CDON: variants seen among roughly 807,000 people sequenced by gnomAD.
The protein encoded by CDON is cell adhesion molecule-related/down-regulated by oncogenes.
Under a neutral mutation model 120.9 loss-of-function variants are expected in CDON, and 73 were observed. The observed-to-expected ratio is 0.60, with a 90% CI of 0.50 to 0.73. The LOEUF (loss-of-function observed/expected upper bound fraction) is 0.73. Among genes scored for constraint, CDON ranks in the 30% least tolerant of loss-of-function variants. The probability of loss-of-function intolerance (pLI) is 0.00; values close to 1 mark genes in which losing one functional copy is unlikely to be tolerated. For missense variants in CDON, 1,470 were observed against 1,587.3 expected (o/e 0.93, Z 1.26); for synonymous variants, 566 against 573.5 (o/e 0.99, Z 0.19).
chr11:126,000,877 G>A (rs1946924707), intron 11 of CDON, among the ~76,000 whole-genome samples: 1 of 152,168 alleles, frequency 6.6e-6, no homozygotes, highest in African/African-American at 2.4e-5. Context: ...GTCTTCCCTA[G>A]ATGTCCTGCC....
intron 1 of CDON, among the ~76,000 whole-genome samples, chr11:126,026,868 CAAG>C (rs1289249578): frequency 5.3e-5 from 8 of 152,284 alleles, no homozygotes; most frequent in Middle Eastern, 6.8e-3. Flanking sequence ...AGAATGAGGA[CAAG>C]AAGGATTGTT....
intron 16 of CDON, among the ~76,000 whole-genome samples, chr11:125,982,488 A>G (rs551851): frequency 0.65 from 98,282 of 152,074 alleles, 32,085 homozygotes; most frequent in African/African-American, 0.72. Flanking sequence ...TTAGCTGCCC[A>G]CATTACTGTG....
chr11:125,961,054 G>T lies in CDON; in HGVS notation c.3683C>A (p.Ala1228Asp). Residue 1228 changes from alanine to aspartate, a missense_variant, in exon 20 of 20, where the codon GCT becomes GAT. Coordinates refer to ENST00000531738, the MANE Select transcript of CDON (RefSeq NM_001378964.1). ...CTCGGGGACAGGTGGCAAAATAAGA[G>T]CATTCCAACTTACAATGTTGATCTC... ...ETEINIVSWN[A>D]LILPPVPEGC... 1 of 1,613,900 alleles carries T rather than the reference G, an allele frequency of 6.2e-7. No homozygotes were observed. The highest frequency in any genetic ancestry group is 8.5e-7 in the Non-Finnish European group (1 of 1,179,852).
At chr11:126,014,765 T>C (rs1430536251) in intron 7 of CDON, 1 of 157,368 alleles carries the variant, frequency 6.4e-6, no homozygotes, top group Non-Finnish European at 1.4e-5. Flanking sequence ...TGAGAAGATA[T>C]CCCAAGATGT....
At chr11:125,984,206 T>A in intron 15 of CDON, 113 bp from the exon 16 acceptor site, 1 of 765,420 alleles carries the variant, frequency 1.3e-6, no homozygotes, top group South Asian at 1.5e-5. Flanking sequence ...TTTACTCTTG[T>A]TACTGAGATG....
chr11:126,002,947 C>CT (rs1946995621), intron 10 of CDON, among the ~76,000 whole-genome samples: 4 of 151,818 alleles, frequency 2.6e-5, no homozygotes, highest in Non-Finnish European at 5.9e-5. Flanking sequence ...TGGCACTTGC[C>CT]ATCTCTGCTG....
chr11:125,961,788 G>A lies in CDON; in HGVS notation c.3567C>T (p.Cys1189=). The A allele has an allele frequency of 1.2e-6, 2 of 1,614,136 alleles. No individual in the cohort carries two copies. The highest frequency in any genetic ancestry group is 1.7e-6 in the Non-Finnish European group (2 of 1,179,956). ...NVEPVPTQRT[C]CQDIVNDVSS... ...TGACGTCATTTACAATGTCCTGACA[G>A]CAGGTACGCTGAGTAGGGACTGGTT... Residue 1189 remains cysteine, a synonymous_variant, in exon 19 of 20, where the codon TGC becomes TGT. Transcript: ENST00000531738.
chr11:126,048,139 TG>T (rs1477694979), intron 1 of CDON, among the ~76,000 whole-genome samples: 1 of 151,986 alleles, frequency 6.6e-6, no homozygotes, highest in African/African-American at 2.4e-5. Context: ...TAGCCAGGCA[TG>T]GTGGCACACA....
chr11:126,017,707 T>C (rs1446828257), intron 5 of CDON, among the ~76,000 whole-genome samples: 9 of 111,846 alleles, frequency 8.0e-5, no homozygotes, highest in Non-Finnish European at 1.9e-5. Context: ...GACATATCTC[T>C]TTTTTTTTTT....
At chr11:125,965,679 C>CT (rs780591289) in intron 18 of CDON, among the ~76,000 whole-genome samples, 33 of 152,186 alleles carry the variant, frequency 2.2e-4, no homozygotes, top group Non-Finnish European at 4.0e-4. Context: ...GCAGAGAGGG[C>CT]TTTTACAAAG....
chr11:125,979,085 T>G (rs1443371604), intron 17 of CDON, among the ~76,000 whole-genome samples: 1 of 152,104 alleles, frequency 6.6e-6, no homozygotes, highest in East Asian at 1.9e-4. Flanking sequence ...AAGTTAAAAA[T>G]TAAACTAGCC....
chr11:126,029,007 T>A (rs1003032253), intron 1 of CDON, among the ~76,000 whole-genome samples: 3 of 152,108 alleles, frequency 2.0e-5, no homozygotes, highest in Admixed American at 1.3e-4. Context: ...TGTCAAGTCG[T>A]GTTCCAAAAA....
chr11:126,060,960 A>C (rs1462551286), intron 1 of CDON, among the ~76,000 whole-genome samples: 1 of 152,224 alleles, frequency 6.6e-6, no homozygotes, highest in Non-Finnish European at 1.5e-5. Flanking sequence ...CTGTTTAAGT[A>C]CTTTGCACAG....
chr11:125,993,177 C>T (rs566896756), intron 14 of CDON, among the ~76,000 whole-genome samples: 1 of 152,158 alleles, frequency 6.6e-6, no homozygotes, highest in Non-Finnish European at 1.5e-5. Flanking sequence ...CTTTTTCAAC[C>T]TGAATATCGT....
chr11:126,038,136 G>T (rs181857900), intron 1 of CDON, among the ~76,000 whole-genome samples: 410 of 152,212 alleles, frequency 2.7e-3, no homozygotes, highest in Non-Finnish European at 4.5e-3. Context: ...AGTAGGAGAC[G>T]TGAAGTTCAG....
chr11:126,011,027 G>A, intron 7 of CDON: 2 of 390,008 alleles, frequency 5.1e-6, no homozygotes, highest in South Asian at 4.0e-5. Context: ...TGAAACCTCA[G>A]ACCTTAACAG....
intron 1 of CDON, among the ~76,000 whole-genome samples, chr11:126,052,151 A>G (rs1035830986): frequency 6.6e-6 from 1 of 152,352 alleles, no homozygotes; most frequent in South Asian, 2.1e-4. Flanking sequence ...ATGTATTATG[A>G]AAATTATACA....
chr11:126,043,138 C>A (rs1349310746), intron 1 of CDON, among the ~76,000 whole-genome samples: 1 of 152,184 alleles, frequency 6.6e-6, no homozygotes, highest in African/African-American at 2.4e-5. Flanking sequence ...TGGGCTGAGT[C>A]TTCGTTTGCA....
chr11:125,974,136 T>C (rs1257091951), intron 18 of CDON, among the ~76,000 whole-genome samples: 2 of 151,376 alleles, frequency 1.3e-5, no homozygotes, highest in Non-Finnish European at 3.0e-5. Context: ...CCTCAGGTGA[T>C]CCGCCCGCCA....
Sources: gnomAD v4.1 joint callset for allele counts (sites outside exome capture counted in the v4.1 genomes callset) on GRCh38, gnomAD v4.1.1 for gene constraint, MANE v1.5 for transcripts, NCBI Gene and HGNC (gene_info 2026-07-23, HGNC 2026-07-21) for gene names.